The following RAP1GAP2 variants were observed in gnomAD, a reference collection of about 807,000 sequenced individuals.
The protein encoded by RAP1GAP2 is rap1 GTPase-activating protein 2.
Under a neutral mutation model 95.0 loss-of-function variants are expected in RAP1GAP2, and 27 were observed. The observed-to-expected ratio is 0.28, with a 90% CI of 0.21 to 0.39. The LOEUF is 0.39. Among genes scored for constraint, RAP1GAP2 ranks in the 10% least tolerant of loss-of-function variants. The probability of loss-of-function intolerance (pLI) is 1.00; values close to 1 mark genes in which losing one functional copy is unlikely to be tolerated. For missense variants in RAP1GAP2, 771 were observed against 970.0 expected (o/e 0.79, Z 2.72); for synonymous variants, 373 against 380.9 (o/e 0.98, Z 0.24).
intron 2 of RAP1GAP2, among the ~76,000 whole-genome samples, chr17:2,886,339 A>AT (rs2073505756): frequency 6.6e-6 from 1 of 151,738 alleles, no homozygotes; most frequent in East Asian, 1.9e-4. Context: ...CGCCCAGCTA[A>AT]TTTTTGTATT....
chr17:2,805,499 G>T (rs986412322), intron 2 of RAP1GAP2, among the ~76,000 whole-genome samples: 1 of 151,994 alleles, frequency 6.6e-6, no homozygotes, highest in Non-Finnish European at 1.5e-5. Context: ...GGGATTACAG[G>T]TGTGCACCAC....
intron 12 of RAP1GAP2, 37 bp from the exon 13 acceptor site, chr17:2,995,296 ACTCT>A (rs759932889): frequency 3.1e-6 from 5 of 1,601,632 alleles, no homozygotes; most frequent in Non-Finnish European, 4.3e-6. Flanking sequence ...ACTTTGCCTC[ACTCT>A]CTTTTCTCCC....
At chr17:2,893,321 G>A (rs1160327452) in intron 2 of RAP1GAP2, among the ~76,000 whole-genome samples, 4 of 152,164 alleles carry the variant, frequency 2.6e-5, no homozygotes, top group Non-Finnish European at 5.9e-5. Flanking sequence ...GATTACAGGC[G>A]TGAGCCACCG....
intron 23 of RAP1GAP2, 30 bp downstream of exon 23, chr17:3,031,028 C>T (rs746652341): frequency 7.1e-6 from 11 of 1,555,688 alleles, no homozygotes; most frequent in East Asian, 7.0e-5. Context: ...ACCCCACACT[C>T]CACTTTCTGC....
chr17:2,977,908 A>C, intron 8 of RAP1GAP2, among the ~76,000 whole-genome samples: 1 of 152,144 alleles, frequency 6.6e-6, no homozygotes, highest in East Asian at 1.9e-4. Flanking sequence ...AATAAAATAC[A>C]GTAGTCTCCT....
intron 17 of RAP1GAP2, among the ~76,000 whole-genome samples, chr17:3,013,414 C>T (rs1349666325): frequency 3.3e-5 from 5 of 152,142 alleles, no homozygotes; most frequent in Admixed American, 3.3e-4. Flanking sequence ...CCCTGCTCCA[C>T]TCCTGGGTCG....
At position 2,991,255 on chromosome 17, in the gene RAP1GAP2, G is replaced by T. The variant is rs373231384; in HGVS notation, c.814-42G>T. 2,175 of 1,469,052 alleles carry T rather than the reference G, an allele frequency of 1.5e-3. 3 individuals are homozygous for T. The highest frequency in any genetic ancestry group is 2.1e-3 in the African/African-American group (151 of 71,492). 91.0% of individuals were successfully genotyped at this position (1,469,052 alleles called of 1,614,324 possible). ...ATATTCCTTCCTTTAGCATCAGAAA[G>T]AATTTTTCTAATTCCTGCCCTTATT... On this transcript the variant is annotated intron_variant, in intron 11 of 24. Coordinates refer to ENST00000254695, the MANE Select transcript of RAP1GAP2 (RefSeq NM_015085.5).
intron 3 of RAP1GAP2, among the ~76,000 whole-genome samples, chr17:2,921,657 C>A (rs2042777251): frequency 6.6e-6 from 1 of 150,846 alleles, no homozygotes; most frequent in African/African-American, 2.4e-5. Flanking sequence ...TATGTGTCCT[C>A]AGGGCCGTTA....
intron 2 of RAP1GAP2, among the ~76,000 whole-genome samples, chr17:2,878,321 A>T (rs984680401): frequency 4.0e-5 from 6 of 151,018 alleles, no homozygotes; most frequent in African/African-American, 1.5e-4. Flanking sequence ...TGCCTGTGAG[A>T]CCCCCCCGGG....
At chr17:2,826,028 T>G (rs965554227) in intron 2 of RAP1GAP2, among the ~76,000 whole-genome samples, 5 of 147,454 alleles carry the variant, frequency 3.4e-5, no homozygotes, top group African/African-American at 1.3e-4. Context: ...TCGCCCCGGC[T>G]GGAGTGCAGT....
chr17:2,996,227 C>T (rs532713990), intron 13 of RAP1GAP2, among the ~76,000 whole-genome samples: 2 of 152,274 alleles, frequency 1.3e-5, no homozygotes, highest in African/African-American at 2.4e-5. Context: ...GAGACCTGGA[C>T]GAGACCCCTG....
chr17:2,988,164 C>A (rs539367871), intron 11 of RAP1GAP2, among the ~76,000 whole-genome samples: 10 of 151,064 alleles, frequency 6.6e-5, no homozygotes, highest in Non-Finnish European at 1.3e-4. Flanking sequence ...GAGCCGAGAT[C>A]GTGCCATTGC....
intron 17 of RAP1GAP2, among the ~76,000 whole-genome samples, chr17:3,010,336 CAAAAAAAAAA>C (rs1179623628): frequency 1.4e-5 from 1 of 70,276 alleles, no homozygotes; most frequent in Non-Finnish European, 2.7e-5. Context: ...GAGACTGTCT[CAAAAAAAAAA>C]AAAAAAAAAA....
chr17:2,814,336 G>T (rs1273937153), intron 2 of RAP1GAP2, among the ~76,000 whole-genome samples: 1 of 152,158 alleles, frequency 6.6e-6, no homozygotes, highest in Non-Finnish European at 1.5e-5. Flanking sequence ...TGCTGTGTGT[G>T]GCTGGGCACT....
chr17:2,991,496 C>A, intron 12 of RAP1GAP2, 99 bp downstream of exon 12: 1 of 901,442 alleles, frequency 1.1e-6, no homozygotes, highest in Non-Finnish European at 1.7e-6. Flanking sequence ...GAGTTAAAAA[C>A]ACACAAGAAA....
intron 2 of RAP1GAP2, among the ~76,000 whole-genome samples, chr17:2,881,225 C>T (rs1330443049): frequency 6.6e-6 from 1 of 150,934 alleles, no homozygotes; most frequent in East Asian, 1.9e-4. Context: ...CGTGCCACTG[C>T]ACTCCAGCCT....
At chr17:2,826,491 C>A (rs1274600217) in intron 2 of RAP1GAP2, among the ~76,000 whole-genome samples, 1 of 151,948 alleles carries the variant, frequency 6.6e-6, no homozygotes, top group Non-Finnish European at 1.5e-5. Context: ...TGACGGGTGC[C>A]CTGGAAGAGC....
At chr17:3,024,220 AGAG>A (rs2047036663) in intron 19 of RAP1GAP2, among the ~76,000 whole-genome samples, 1 of 152,182 alleles carries the variant, frequency 6.6e-6, no homozygotes, top group African/African-American at 2.4e-5. Context: ...CTCTGAAGCC[AGAG>A]GAGGAGAAAT....
At chr17:2,842,614 C>G (rs545149131) in intron 2 of RAP1GAP2, among the ~76,000 whole-genome samples, 7 of 152,038 alleles carry the variant, frequency 4.6e-5, no homozygotes, top group Non-Finnish European at 8.8e-5. Context: ...CCCTCCCCTC[C>G]CTAGAGTTGC....
Sources: gnomAD v4.1 joint callset for allele counts (sites outside exome capture counted in the v4.1 genomes callset) on GRCh38, gnomAD v4.1.1 for gene constraint, MANE v1.5 for transcripts, NCBI Gene and HGNC (gene_info 2026-07-23, HGNC 2026-07-21) for gene names.